Variants in ZNF43 observed in about 807,000 individuals in gnomAD.
ZNF43 encodes zinc finger protein 39-like 1 (KOX 27).
ZNF43 carries 44 observed loss-of-function variants against 68.4 expected under a neutral mutation model. The ratio of observed to expected loss-of-function variants is 0.64; its 90% CI spans 0.51 to 0.83. ZNF43 has a LOEUF of 0.83. Ranked by LOEUF, ZNF43 falls within the 40% of genes least tolerant of loss-of-function variation. ZNF43 has a pLI of 0.00. For synonymous variants in ZNF43, 308 were observed against 307.8 expected, an observed-to-expected ratio of 1.00 and a Z score of -0.01; for missense variants, 896 against 933.2, an observed-to-expected ratio of 0.96 and a Z score of 0.52.
chr19:21,845,711 T>C (rs565848422), intron 1 of ZNF43, among the ~76,000 whole-genome samples: 1 of 152,034 alleles, frequency 6.6e-6, no homozygotes, highest in East Asian at 1.9e-4. Context: ...CTGCCCAACA[T>C]GGAGAAACCC....
Position 21,808,772 on chromosome 19 carries a change from C to A in ZNF43, c.1265G>T (p.Gly422Val). 1 of 1,609,580 alleles carries A rather than the reference C, an allele frequency of 6.2e-7. No individual in the cohort carries two copies. Residue 422 changes from glycine to valine, a missense_variant, in exon 4 of 4, where the codon GGA (glycine) becomes GTA (valine). Physicochemically the swap from Gly to Val is moderately radical, Grantham distance 109 (BLOSUM62 -3). Coordinates refer to ENST00000354959, the MANE Select transcript of ZNF43 (RefSeq NM_003423.4). ...TTCTTCACATTTGTAGGGTTTCTCT[C>A]CAGTATGAGTTAACTTATGTTCAGT... is the stretch of plus-strand genomic sequence containing the variant. Reference protein sequence around the residue: ...KLTEHKLTHTGEKPYKCEECG... With the variant: ...KLTEHKLTHTVEKPYKCEECG...
At chr19:21,836,334 A>C, upstream of ZNF43, 2 of 1,084,548 alleles carry the variant, frequency 1.8e-6, no homozygotes, top group South Asian at 2.3e-5. Context: ...CTGGGCTGAA[A>C]GAAGAAAGAA....
Position 21,832,437 on chromosome 19 carries a change from A to C in ZNF43, c.3+3599T>G, listed in dbSNP as rs1278395535. ...AAATTATTTTTAAAAAAACTTTGGA[A>C]GGTACCTAGGAAATCATTCTAGACA... On this transcript the variant is annotated intron_variant, in intron 1 of 3. Coordinates refer to ENST00000354959, the MANE Select transcript of ZNF43 (RefSeq NM_003423.4). 2.0e-5 allele frequency among the ~76,000 whole-genome samples: 3 copies of C among 152,212 alleles called. No homozygotes were observed. The East Asian group carries it at 5.8e-4, about 29-fold the overall frequency.
chr19:21,844,335 G>C (rs1052420282), intron 1 of ZNF43, among the ~76,000 whole-genome samples: 2 of 124,482 alleles, frequency 1.6e-5, no homozygotes, highest in Non-Finnish European at 3.2e-5. Flanking sequence ...AGTGATAAGG[G>C]AGACTCTGTC....
At chr19:21,846,111 A>G (rs1967935367) in intron 1 of ZNF43, among the ~76,000 whole-genome samples, 1 of 152,136 alleles carries the variant, frequency 6.6e-6, no homozygotes, top group Non-Finnish European at 1.5e-5. Flanking sequence ...GCCCAGGGGT[A>G]TTTCCTAGTG....
chr19:21,836,832 TC>T (rs1967135129), upstream of ZNF43, among the ~76,000 whole-genome samples: 3 of 152,168 alleles, frequency 2.0e-5, no homozygotes, highest in Non-Finnish European at 4.4e-5. Context: ...GCTCAATGAA[TC>T]CTACAAAGTC....
chr19:21,839,164 T>C (rs898540998), upstream of ZNF43, among the ~76,000 whole-genome samples: 1 of 151,792 alleles, frequency 6.6e-6, no homozygotes, highest in African/African-American at 2.4e-5. Flanking sequence ...CAATTATCCT[T>C]TGTAGCAGGT....
rs748431447 is a variant in ZNF43, at chr19:21,809,363, G to A, written c.674C>T (p.Thr225Ile). 1.9e-6 allele frequency: 3 copies of A among 1,613,704 alleles called. No individual in the cohort carries two copies. The highest frequency in any genetic ancestry group is 2.5e-6 in the Non-Finnish European group (3 of 1,179,872). ...TTCACATGTGTAGGGTTTCTCTCCA[G>A]TATTAATTCTCTTATGTTTAGTGAT... Reference protein sequence around the residue: ...SIITKHKRINTGEKPYTCEEC... With the variant: ...SIITKHKRINIGEKPYTCEEC... The change falls in exon 4 of 4, where the codon ACT becomes ATT. Residue 225 changes from threonine to isoleucine, a missense_variant. Thr to Ile is a moderately conservative substitution (Grantham distance 89). Transcript: ENST00000354959.
At chr19:21,813,613 C>G (rs935792436) in intron 3 of ZNF43, among the ~76,000 whole-genome samples, 1 of 152,022 alleles carries the variant, frequency 6.6e-6, no homozygotes, top group Non-Finnish European at 1.5e-5. Context: ...AGTAGTCACA[C>G]TCATAAAATC....
chr19:21,844,921 A>AAAAAAAAAATAT (rs1310761266), intron 1 of ZNF43, among the ~76,000 whole-genome samples: 12 of 26,046 alleles, frequency 4.6e-4, no homozygotes, highest in African/African-American at 2.0e-3. Flanking sequence ...AAAAAAAAAA[A>AAAAAAAAAATAT]ATATATATAT....
chr19:21,823,186 A>G (rs1454612393), intron 1 of ZNF43, among the ~76,000 whole-genome samples: 1 of 152,198 alleles, frequency 6.6e-6, no homozygotes, highest in African/African-American at 2.4e-5. Flanking sequence ...ATAATGCTAA[A>G]TTCAACCATG....
Sources: allele counts gnomAD v4.1 joint callset (sites outside exome capture counted in the v4.1 genomes callset), GRCh38; gene constraint gnomAD v4.1.1; transcripts MANE v1.5; gene names NCBI Gene and HGNC (gene_info 2026-07-23, HGNC 2026-07-21).